SLC44A5: variants seen among roughly 807,000 people sequenced by gnomAD.
SLC44A5 encodes solute carrier family 44 member 5.
In SLC44A5, 57 loss-of-function variants were observed where a neutral mutation model predicts 101.8. The observed-to-expected ratio is 0.56, with a 90% CI of 0.45 to 0.70. The LOEUF (loss-of-function observed/expected upper bound fraction) is 0.70. Among genes scored for constraint, SLC44A5 ranks in the 30% least tolerant of loss-of-function variants. The pLI is 0.00. For missense variants in SLC44A5, 737 were observed against 853.1 expected (o/e 0.86, Z 1.70); for synonymous variants, 281 against 290.9 (o/e 0.97, Z 0.35).
intron 20 of SLC44A5, 116 bp downstream of exon 20, chr1:75,214,489 A>G (rs1646922044): frequency 1.4e-6 from 1 of 703,642 alleles, no homozygotes; most frequent in Non-Finnish European, 2.3e-6. Context: ...TATCAAGTTA[A>G]AAGATAATAT....
chr1:75,442,008 T>A (rs532115529), intron 2 of SLC44A5, among the ~76,000 whole-genome samples: 5 of 152,292 alleles, frequency 3.3e-5, no homozygotes, highest in Admixed American at 3.3e-4. Flanking sequence ...ATAAGAATGA[T>A]CATTTAACTA....
At chr1:75,204,382 C>T (rs1275712810) in intron 23 of SLC44A5, 1 of 152,040 alleles carries the variant, frequency 6.6e-6, no homozygotes, top group Non-Finnish European at 1.5e-5. Flanking sequence ...TTCAATTACA[C>T]AAATAAGTAG....
intron 2 of SLC44A5, among the ~76,000 whole-genome samples, chr1:75,402,200 G>A (rs1450255891): frequency 6.6e-6 from 1 of 152,194 alleles, no homozygotes; most frequent in African/African-American, 2.4e-5. Flanking sequence ...GGACAAATGA[G>A]ATAATGTTCT....
chr1:75,575,045 T>C (rs1673284004), intron 1 of SLC44A5, among the ~76,000 whole-genome samples: 1 of 152,082 alleles, frequency 6.6e-6, no homozygotes, highest in African/African-American at 2.4e-5. Flanking sequence ...AGAGGAAACA[T>C]ATAGGATATC....
At chr1:75,260,925 C>G (rs1650445584) in intron 6 of SLC44A5, among the ~76,000 whole-genome samples, 1 of 152,132 alleles carries the variant, frequency 6.6e-6, no homozygotes, top group Non-Finnish European at 1.5e-5. Context: ...TGAATGACTA[C>G]TGGGTAAATA....
chr1:75,441,533 C>T (rs1369176196), intron 2 of SLC44A5, among the ~76,000 whole-genome samples: 1 of 150,368 alleles, frequency 6.7e-6, no homozygotes, highest in Non-Finnish European at 1.5e-5. Flanking sequence ...GGTGAAAAAA[C>T]AGTATATAAC....
At chr1:75,604,756 G>GGT (rs141120401) in intron 1 of SLC44A5, among the ~76,000 whole-genome samples, 27,610 of 86,124 alleles carry the variant, frequency 0.32, 2,736 homozygotes, top group Admixed American at 0.42. Flanking sequence ...GAAACCAAGG[G>GGT]GTGTGTGTGT....
At position 75,340,661 on chromosome 1, in the gene SLC44A5, G is replaced by A. The variant is rs151198613; in HGVS notation, c.53-1031C>T. Among the ~76,000 whole-genome samples, 4 of 152,310 alleles carry A rather than the reference G, an allele frequency of 2.6e-5. No individual in the cohort carries two copies. In the East Asian group the frequency reaches 5.8e-4, roughly 22 times the overall value. ...AATCCACAGGAGTAGGTCTTTAGTA[G>A]TGACATTTCTTCTTTGTGCCTGTTT... On this transcript the variant is annotated intron_variant, in intron 3 of 23. Coordinates refer to ENST00000370859, the MANE Select transcript of SLC44A5 (RefSeq NM_001130058.2).
intron 1 of SLC44A5, among the ~76,000 whole-genome samples, chr1:75,544,741 G>T (rs1460794957): frequency 6.6e-6 from 1 of 152,078 alleles, no homozygotes; most frequent in African/African-American, 2.4e-5. Flanking sequence ...GTCCTTTACA[G>T]AATTTTTTTC....
At chr1:75,535,071 CTTTT>C (rs34439007) in intron 2 of SLC44A5, among the ~76,000 whole-genome samples, 108 of 139,768 alleles carry the variant, frequency 7.7e-4, no homozygotes, top group Middle Eastern at 3.8e-3. Context: ...ATTGAAGCTG[CTTTT>C]TTTTTTTTTT....
chr1:75,560,248 T>C (rs180876911), intron 1 of SLC44A5, among the ~76,000 whole-genome samples: 13 of 152,262 alleles, frequency 8.5e-5, no homozygotes, highest in Admixed American at 2.6e-4. Flanking sequence ...TGTAGCTACG[T>C]TAACAATAGA....
intron 2 of SLC44A5, among the ~76,000 whole-genome samples, chr1:75,526,780 C>A (rs7412848): frequency 1.9e-3 from 287 of 152,220 alleles, no homozygotes; most frequent in African/African-American, 6.2e-3. Context: ...GTAAACAATG[C>A]GCATTCTTCC....
the SLC44A5 span, among the ~76,000 whole-genome samples, chr1:75,663,430 G>A: frequency 2.6e-5 from 4 of 152,276 alleles, no homozygotes; most frequent in East Asian, 1.9e-4. Context: ...TGAACAATAA[G>A]TGCTTGTTCT....
At chr1:75,231,051 G>T (rs1647515243) in intron 12 of SLC44A5, among the ~76,000 whole-genome samples, 1 of 152,192 alleles carries the variant, frequency 6.6e-6, no homozygotes, top group East Asian at 1.9e-4. Context: ...ATCTGAATCT[G>T]TGAAAACCTG....
chr1:75,699,739 G>A, the SLC44A5 span, among the ~76,000 whole-genome samples: 2 of 152,088 alleles, frequency 1.3e-5, no homozygotes, highest in African/African-American at 4.8e-5. Flanking sequence ...AGACCCATCA[G>A]TGTGCTATAT....
At chr1:75,638,107 CTT>C in the SLC44A5 span, among the ~76,000 whole-genome samples, 1 of 151,896 alleles carries the variant, frequency 6.6e-6, no homozygotes, top group Non-Finnish European at 1.5e-5. Flanking sequence ...TGTATTAACT[CTT>C]TTAATCCTCA....
chr1:75,204,269 G>GGA (rs2100416855), intron 23 of SLC44A5, among the ~76,000 whole-genome samples: 1 of 152,100 alleles, frequency 6.6e-6, no homozygotes, highest in East Asian at 1.9e-4. Context: ...CAAATTTTGA[G>GGA]GAACATTGCC....
chr1:75,546,745 T>A (rs886711125), intron 1 of SLC44A5, among the ~76,000 whole-genome samples: 1 of 152,126 alleles, frequency 6.6e-6, no homozygotes, highest in Non-Finnish European at 1.5e-5. Context: ...TAATCAGTCC[T>A]CGAAAATGTC....
chr1:75,595,924 C>T (rs1002898381), intron 1 of SLC44A5, among the ~76,000 whole-genome samples: 3 of 152,074 alleles, frequency 2.0e-5, no homozygotes, highest in Non-Finnish European at 4.4e-5. Context: ...AATTTAGCAT[C>T]ACATTCATTT....
Sources: gnomAD v4.1 joint callset for allele counts (sites outside exome capture counted in the v4.1 genomes callset) on GRCh38, gnomAD v4.1.1 for gene constraint, MANE v1.5 for transcripts, NCBI Gene and HGNC (gene_info 2026-07-23, HGNC 2026-07-21) for gene names.